DNAJC10: variants seen among roughly 807,000 people sequenced by gnomAD.
The protein encoded by DNAJC10 is endoplasmic reticulum disulfide reductase DNAJC10.
A neutral mutation model predicts 115.0 loss-of-function variants in DNAJC10; 101 were observed. That is an observed-to-expected ratio of 0.88 (90% CI 0.75 to 1.04). The LOEUF (loss-of-function observed/expected upper bound fraction) is 1.04. Ranked by LOEUF, DNAJC10 falls within the 50% of genes least tolerant of loss-of-function variation. The probability of loss-of-function intolerance (pLI) is 0.00; values close to 1 mark genes in which losing one functional copy is unlikely to be tolerated. For synonymous variants in DNAJC10, 307 were observed against 301.5 expected, an observed-to-expected ratio of 1.02 and a Z score of -0.19; for missense variants, 981 against 928.8, an observed-to-expected ratio of 1.06 and a Z score of -0.73.
chr2:182,749,011 G>A (rs865983924), intron 14 of DNAJC10, among the ~76,000 whole-genome samples: 7 of 152,102 alleles, frequency 4.6e-5, no homozygotes, highest in South Asian at 2.1e-4. Context: ...TTGCACTGTG[G>A]TCTGAGAGAT....
chr2:182,776,032 A>G (rs958594874), intron 23 of DNAJC10, among the ~76,000 whole-genome samples: 1 of 152,170 alleles, frequency 6.6e-6, no homozygotes, highest in African/African-American at 2.4e-5. Context: ...AATGTTTTAA[A>G]ATTAGATTGT....
intron 13 of DNAJC10, among the ~76,000 whole-genome samples, 189 bp downstream of exon 13, chr2:182,741,545 G>A (rs1693737138): frequency 6.6e-6 from 1 of 151,886 alleles, no homozygotes; most frequent in South Asian, 2.1e-4. Context: ...TCTGAAAGTG[G>A]TTAATTTTCA....
intron 21 of DNAJC10, among the ~76,000 whole-genome samples, chr2:182,762,157 A>T (rs1342452528): frequency 7.5e-5 from 6 of 80,508 alleles, no homozygotes; most frequent in African/African-American, 2.7e-4. Context: ...ACTGCTGCTC[A>T]GGAAAAAAAA....
Position 182,730,042 on chromosome 2 carries a change from T to A in DNAJC10, c.727+101T>A, listed in dbSNP as rs145832696. The A allele has an allele frequency of 1.5e-4, 106 of 703,876 alleles. 1 individual carries two copies. The East Asian group carries it at 2.6e-3, about 17-fold the overall frequency. 43.6% of individuals were successfully genotyped at this position (703,876 alleles called of 1,614,324 possible). On this transcript the variant is annotated intron_variant, in intron 8 of 23. Coordinates refer to ENST00000264065, the MANE Select transcript of DNAJC10 (RefSeq NM_018981.4). ...ACATTTTGGTCATGGTATTGAAATTTTAAAGTGTCTTTTCCATGTTTCTTA... is the reference window on the plus strand; with the variant it reads ...ACATTTTGGTCATGGTATTGAAATTATAAAGTGTCTTTTCCATGTTTCTTA...
At chr2:182,756,266 C>T in intron 17 of DNAJC10, 48 bp from the exon 18 acceptor site, 3 of 1,441,682 alleles carry the variant, frequency 2.1e-6, no homozygotes, top group Non-Finnish European at 2.8e-6. Flanking sequence ...AATATATGAA[C>T]AGCTATGCTT....
rs954698950 is a variant in DNAJC10, at chr2:182,785,699, C to CA, written c.*8568dup. The CA allele has an allele frequency of 3.3e-5, 5 of 152,150 alleles. No individual in the cohort carries two copies. Among genetic ancestry groups the CA allele is most frequent in the African/African-American group, 1.2e-4 (5 of 41,530 alleles). 9.4% of individuals were successfully genotyped at this position (152,150 alleles called of 1,614,324 possible). A position where few individuals can be genotyped will look rare whatever the true frequency, so the allele number is the denominator to read the frequency against. Reference sequence around the variant, plus strand: ...AAAGGAAAAAGAAAAAGAGGCTTTTCAGTCATGAGCCAAATGCAGTATGTG... The same window carrying CA: ...AAAGGAAAAAGAAAAAGAGGCTTTTCAAGTCATGAGCCAAATGCAGTATGTG... On this transcript the variant is annotated 3_prime_UTR_variant, in exon 24 of 24. Coordinates refer to ENST00000264065, the MANE Select transcript of DNAJC10 (RefSeq NM_018981.4).
At chr2:182,719,644 T>C (rs1693094229) in intron 3 of DNAJC10, among the ~76,000 whole-genome samples, 3 of 152,132 alleles carry the variant, frequency 2.0e-5, no homozygotes, top group Admixed American at 1.3e-4. Flanking sequence ...ACAAATGTAT[T>C]GATTTATAAT....
chr2:182,736,194 C>CT, intron 10 of DNAJC10, 55 bp from the exon 11 acceptor site: 2 of 1,517,870 alleles, frequency 1.3e-6, no homozygotes, highest in South Asian at 2.7e-5. Flanking sequence ...CTCTAAATCC[C>CT]TTTAACTTTT....
At position 182,736,315 on chromosome 2, in the gene DNAJC10, A is replaced by G. The variant is rs777095757; in HGVS notation, c.916A>G (p.Ile306Val). The change falls in exon 11 of 24, where the codon ATT (isoleucine) becomes GTT (valine). Residue 306 changes from isoleucine to valine, a missense_variant. Physicochemically the swap from Ile to Val is conservative, Grantham distance 29. Transcript: ENST00000264065. ...GGATAACCTTTGTAAAAGCTTAGAT[A>G]TTACAACAAGTACTACTGCTTATTT... ...TQDNLCKSLD[I>V]TTSTTAYFPP... 8 of 1,596,966 alleles carry G rather than the reference A, an allele frequency of 5.0e-6. No individual in the cohort carries two copies. The South Asian group carries it at 9.1e-5, about 18-fold the overall frequency.
intron 11 of DNAJC10, 195 bp from the exon 12 acceptor site, chr2:182,740,104 C>T (rs1335665164): frequency 2.0e-6 from 2 of 988,226 alleles, no homozygotes; most frequent in Non-Finnish European, 2.4e-6. Context: ...TAAGAAACAG[C>T]TTAGTTATAT....
intron 7 of DNAJC10, 161 bp downstream of exon 7, chr2:182,729,155 AT>A (rs112024053): frequency 0.021 from 12,666 of 615,812 alleles, no homozygotes; most frequent in Middle Eastern, 0.031. Flanking sequence ...TGGATTATGA[AT>A]TTTTTTTTTT....
chr2:182,776,015 A>G (rs1188969886), intron 23 of DNAJC10, among the ~76,000 whole-genome samples: 1 of 152,164 alleles, frequency 6.6e-6, no homozygotes, highest in African/African-American at 2.4e-5. Flanking sequence ...TTTTGGGAAT[A>G]TGGAAAAATG....
chr2:182,758,387 T>C (rs1694209551), intron 19 of DNAJC10, among the ~76,000 whole-genome samples: 1 of 152,126 alleles, frequency 6.6e-6, no homozygotes, highest in Admixed American at 6.6e-5. Context: ...ATGAATGTTA[T>C]TAAACAAGTA....
chr2:182,731,008 C>T, intron 8 of DNAJC10, 22 bp from the exon 9 acceptor site: 2 of 1,585,426 alleles, frequency 1.3e-6, no homozygotes, highest in Non-Finnish European at 1.7e-6. Context: ...TCAGAATTTG[C>T]TTTTTTTCTT....
chr2:182,756,571 T>C (rs968066563), intron 18 of DNAJC10, 102 bp downstream of exon 18: 9 of 1,144,814 alleles, frequency 7.9e-6, no homozygotes, highest in Non-Finnish European at 1.1e-5. Flanking sequence ...AACTAAATTA[T>C]TACTTAATAA....
At chr2:182,723,926 A>C (rs543985627) in intron 5 of DNAJC10, among the ~76,000 whole-genome samples, 1 of 152,330 alleles carries the variant, frequency 6.6e-6, no homozygotes, top group East Asian at 1.9e-4. Flanking sequence ...GAGAGGAATG[A>C]GCAGGAGCAT....
At chr2:182,718,317 A>G (rs1317707874) in intron 3 of DNAJC10, 27 bp downstream of exon 3, 1 of 1,519,154 alleles carries the variant, frequency 6.6e-7, no homozygotes, top group African/African-American at 1.4e-5. Context: ...TTTTAAAAAT[A>G]TTTGATTATA....
intron 14 of DNAJC10, among the ~76,000 whole-genome samples, chr2:182,747,441 C>G (rs1693897376): frequency 7.3e-6 from 1 of 136,140 alleles, no homozygotes; most frequent in Non-Finnish European, 1.6e-5. Context: ...TGAAGAGGTC[C>G]TTCACATCCC....
intron 10 of DNAJC10, 108 bp downstream of exon 10, chr2:182,732,650 T>C (rs1173516385): frequency 2.8e-6 from 3 of 1,060,150 alleles, no homozygotes; most frequent in Non-Finnish European, 1.4e-6. Flanking sequence ...AACTCACCTA[T>C]TTGTAATCTT....
Sources: gnomAD v4.1 joint callset for allele counts (sites outside exome capture counted in the v4.1 genomes callset) on GRCh38, gnomAD v4.1.1 for gene constraint, MANE v1.5 for transcripts, NCBI Gene and HGNC (gene_info 2026-07-23, HGNC 2026-07-21) for gene names.